The following SORCS2 variants were observed in gnomAD, a reference collection of about 807,000 sequenced individuals.
SORCS2 encodes the protein sortilin related VPS10 domain containing receptor 2, also known as VPS10 domain-containing receptor SorCS2.
A neutral mutation model predicts 141.6 loss-of-function variants in SORCS2; 100 were observed. That is an observed-to-expected ratio of 0.71 (90% CI 0.60 to 0.83). The LOEUF (loss-of-function observed/expected upper bound fraction) is 0.83, where lower values mean the gene tolerates loss of function less well. SORCS2 is among the 40% of genes least tolerant of loss of function. SORCS2 has a pLI of 0.00. For missense variants in SORCS2, 1,646 were observed against 1,560.2 expected, an observed-to-expected ratio of 1.05 and a Z score of -0.93; for synonymous variants, 789 against 676.9, an observed-to-expected ratio of 1.17 and a Z score of -2.57.
intron 26 of SORCS2, among the ~76,000 whole-genome samples, chr4:7,738,929 G>A (rs1712427366): frequency 6.6e-6 from 1 of 152,094 alleles, no homozygotes; most frequent in South Asian, 2.1e-4. Flanking sequence ...GGGGTCCCTT[G>A]TCTCCAGCAT....
At chr4:7,603,314 TAA>T (rs1717861190) in intron 3 of SORCS2, among the ~76,000 whole-genome samples, 2 of 152,216 alleles carry the variant, frequency 1.3e-5, no homozygotes, top group Admixed American at 1.3e-4. Flanking sequence ...TATCTTTCTG[TAA>T]AAGTTTCCTT....
chr4:7,479,259 G>C (rs571352261), intron 2 of SORCS2, among the ~76,000 whole-genome samples: 1 of 152,098 alleles, frequency 6.6e-6, no homozygotes, highest in South Asian at 2.1e-4. Flanking sequence ...TTGCTAACCA[G>C]GGAAGCTCAG....
intron 11 of SORCS2, among the ~76,000 whole-genome samples, chr4:7,694,794 C>T (rs1003214126): frequency 6.6e-6 from 1 of 152,220 alleles, no homozygotes; most frequent in African/African-American, 2.4e-5. Context: ...CCCCACCCAT[C>T]CTATCTGTCT....
intron 3 of SORCS2, among the ~76,000 whole-genome samples, chr4:7,565,838 GTGATGGTGATGATGGTGA>G (rs56792662): frequency 1.5e-5 from 2 of 136,436 alleles, no homozygotes; most frequent in South Asian, 2.4e-4. Flanking sequence ...GATGATGATG[GTGATGGTGATGATGGTGA>G]TGATGGTGAT....
intron 23 of SORCS2, among the ~76,000 whole-genome samples, chr4:7,732,437 G>C (rs556101323): frequency 6.6e-6 from 1 of 152,166 alleles, no homozygotes; most frequent in African/African-American, 2.4e-5. Flanking sequence ...GGCACCTCAC[G>C]CATTTGTCAC....
At chr4:7,624,640 C>T (rs1051049015) in intron 3 of SORCS2, among the ~76,000 whole-genome samples, 1 of 152,256 alleles carries the variant, frequency 6.6e-6, no homozygotes. Flanking sequence ...TTGCCTTCCA[C>T]TGTTCAATTA....
At chr4:7,538,588 CA>C (rs1712321472) in intron 3 of SORCS2, among the ~76,000 whole-genome samples, 1 of 14,210 alleles carries the variant, frequency 7.0e-5, no homozygotes, top group Non-Finnish European at 3.6e-4. Context: ...ATATTAAAAT[CA>C]CACACACACA....
rs762656368 is a variant in SORCS2 at position 7,715,273 on chromosome 4, C to A, written c.2214C>A (p.Asp738Glu). 1 of 1,613,230 alleles carries A rather than the reference C, an allele frequency of 6.2e-7. No homozygotes were observed. Among genetic ancestry groups the A allele is most frequent in the Middle Eastern group, 1.7e-4 (1 of 6,060 alleles). The stretch of plus-strand genomic sequence containing the variant: ...GGTTTAACCCATTGTCCCCGCCTGA[C>A]GACTGTGCCCTGGGCCAGACCTACA... ...NFWFNPLSPP[D>E]DCALGQTYTS... Residue 738 changes from aspartate (D) to glutamate (E), a missense_variant, in exon 17 of 27, where the codon GAC (aspartate) becomes GAA (glutamate). Asp to Glu is a conservative substitution (Grantham distance 45). Coordinates refer to ENST00000507866, the MANE Select transcript of SORCS2 (RefSeq NM_020777.3).
chr4:7,635,609 A>C (rs946191679), intron 3 of SORCS2, among the ~76,000 whole-genome samples: 1 of 151,960 alleles, frequency 6.6e-6, no homozygotes, highest in African/African-American at 2.4e-5. Flanking sequence ...GTAATTTTGC[A>C]CCTTGCTTTT....
At chr4:7,335,119 G>A (rs1719903964) in intron 1 of SORCS2, among the ~76,000 whole-genome samples, 1 of 152,206 alleles carries the variant, frequency 6.6e-6, no homozygotes, top group African/African-American at 2.4e-5. Context: ...ACCCGGCCCA[G>A]AGCTGGGAAT....
intron 2 of SORCS2, among the ~76,000 whole-genome samples, chr4:7,478,652 G>C (rs923326251): frequency 6.6e-6 from 1 of 152,178 alleles, no homozygotes; most frequent in South Asian, 2.1e-4. Flanking sequence ...GGTCACCACT[G>C]TATCCCCTGA....
intron 3 of SORCS2, among the ~76,000 whole-genome samples, chr4:7,607,199 C>G (rs1476098602): frequency 6.6e-6 from 1 of 152,222 alleles, no homozygotes; most frequent in East Asian, 1.9e-4. Flanking sequence ...ATTGATCTCT[C>G]TGTCTTTCTT....
chr4:7,222,171 C>A lies in SORCS2; in HGVS notation c.480+29045C>A, dbSNP rs1946237054. ...CAGCAGTCCCCTCCTAGGCATAAAC[C>A]CCAGAGAGACGAAAACCCGTGTCTC... On this transcript the variant is annotated intron_variant, in intron 1 of 26. Coordinates refer to ENST00000507866, the MANE Select transcript of SORCS2 (RefSeq NM_020777.3). Among the ~76,000 whole-genome samples the A allele has an allele frequency of 2.6e-5, 4 of 152,062 alleles. No individual in the cohort carries two copies. In the South Asian group the frequency reaches 8.3e-4, roughly 32 times the overall value.
At chr4:7,235,194 A>T (rs1403095932) in intron 1 of SORCS2, among the ~76,000 whole-genome samples, 3 of 152,184 alleles carry the variant, frequency 2.0e-5, no homozygotes, top group Admixed American at 2.0e-4. Flanking sequence ...AGCACACAGC[A>T]CTGTGCCGGC....
rs113972369 is a variant in SORCS2 at position 7,210,486 on chromosome 4, G to T, written c.480+17360G>T. Among the ~76,000 whole-genome samples, 696 of 152,282 alleles carry T rather than the reference G, an allele frequency of 4.6e-3. 6 individuals are homozygous for T. The highest frequency in any genetic ancestry group is 0.016 in the African/African-American group (645 of 41,568). On this transcript the variant is annotated intron_variant, in intron 1 of 26. Coordinates refer to ENST00000507866, the MANE Select transcript of SORCS2 (RefSeq NM_020777.3). ...TGTAGAGATGAGATCTCGCTGTGTT[G>T]CCCAGGCTGGTGTTGAACTCCTGGG...
chr4:7,566,305 G>T (rs538795049), intron 3 of SORCS2, among the ~76,000 whole-genome samples: 207 of 151,274 alleles, frequency 1.4e-3, no homozygotes, highest in Non-Finnish European at 2.4e-3. Context: ...TGGTGATGGT[G>T]ATGATGGTGA....
chr4:7,560,720 C>G (rs1714474412), intron 3 of SORCS2, among the ~76,000 whole-genome samples: 1 of 152,148 alleles, frequency 6.6e-6, no homozygotes, highest in Non-Finnish European at 1.5e-5. Context: ...GTCTTCTTAC[C>G]CATCCTCAAG....
At chr4:7,234,174 G>A (rs59316116) in intron 1 of SORCS2, among the ~76,000 whole-genome samples, 2,192 of 152,260 alleles carry the variant, frequency 0.014, 50 homozygotes, top group African/African-American at 0.049. Flanking sequence ...TTCTTCCCTC[G>A]CCCTGAAATG....
At chr4:7,408,076 G>A (rs767404475) in intron 2 of SORCS2, among the ~76,000 whole-genome samples, 28 of 152,040 alleles carry the variant, frequency 1.8e-4, no homozygotes, top group Non-Finnish European at 4.0e-4. Context: ...TGTATCTTCT[G>A]GGCTTCATAC....
Sources: allele counts gnomAD v4.1 joint callset (sites outside exome capture counted in the v4.1 genomes callset), GRCh38; gene constraint gnomAD v4.1.1; transcripts MANE v1.5; gene names NCBI Gene and HGNC (gene_info 2026-07-23, HGNC 2026-07-21).